Variants in DNAH14 observed in about 807,000 individuals in gnomAD.
DNAH14 encodes the protein axonemal beta dynein heavy chain 14.
DNAH14 carries 478 observed loss-of-function variants against 520.9 expected under a neutral mutation model. The ratio of observed to expected loss-of-function variants is 0.92; its 90% CI spans 0.85 to 0.99. The LOEUF is 0.99. Among genes scored for constraint, DNAH14 ranks in the 50% least tolerant of loss-of-function variants. The pLI, the probability that DNAH14 is intolerant of heterozygous loss-of-function variation, is 0.00. For missense variants in DNAH14, 4,831 were observed against 5,234.5 expected (o/e 0.92, Z 2.38); for synonymous variants, 1,581 against 1,757.2 (o/e 0.90, Z 2.51).
Position 225,277,408 on chromosome 1 carries a change from A to C in DNAH14, c.8179-2A>C. ...ATTTATTTGTCACATTTGATCTGCT[A>C]GCTTTCTCATTCCATGGTGTTCTTC... On this transcript the variant is annotated splice_acceptor_variant, in intron 53 of 85. Coordinates refer to ENST00000682510, the MANE Select transcript of DNAH14 (RefSeq NM_001367479.1). LOFTEE classifies it high-confidence loss of function. 2.1e-6 allele frequency: 1 copy of C among 468,432 alleles called. No individual in the cohort carries two copies. Among genetic ancestry groups the C allele is most frequent in the Admixed American group, 2.4e-5 (1 of 42,266 alleles). The allele number at this position is 468,432 out of a possible 1,614,324, so 29.0% of individuals were successfully genotyped here.
At chr1:225,324,876 G>T (rs1444038684) in intron 64 of DNAH14, 44 bp downstream of exon 64, 1 of 1,430,992 alleles carries the variant, frequency 7.0e-7, no homozygotes, top group Non-Finnish European at 9.6e-7. Context: ...AAAACACCAG[G>T]ACAATGTAAT....
At chr1:225,327,286 T>C (rs2094695486) in intron 64 of DNAH14, among the ~76,000 whole-genome samples, 1 of 151,690 alleles carries the variant, frequency 6.6e-6, no homozygotes, top group Non-Finnish European at 1.5e-5. Context: ...GCCTCCCGAG[T>C]AGCTGGGACT....
At position 225,097,013 on chromosome 1, in the gene DNAH14, A is replaced by G. The variant is rs2075039917; in HGVS notation, c.3574-105A>G. The G allele has an allele frequency of 3.2e-6, 3 of 924,886 alleles. No individual in the cohort carries two copies. In the South Asian group the frequency reaches 8.9e-5, roughly 27 times the overall value. 57.3% of individuals were successfully genotyped at this position (924,886 alleles called of 1,614,324 possible). On this transcript the variant is annotated intron_variant, in intron 21 of 85. Transcript: ENST00000682510. ...TGACTTTCTATTAATTATTTTCTGT[A>G]TGTCAATGACTGATAATCACCTTTG...
In DNAH14 at chr1:225,123,601, T is replaced by C. The variant is rs1271192040; in HGVS notation, c.4241T>C (p.Val1414Ala). 2.4e-6 allele frequency: 1 copy of C among 424,118 alleles called. No individual in the cohort carries two copies. The highest frequency in any genetic ancestry group is 5.0e-6 in the Non-Finnish European group (1 of 202,016). 26.3% of individuals were successfully genotyped at this position (424,118 alleles called of 1,614,324 possible). A position where few individuals can be genotyped will look rare whatever the true frequency, so the allele number is the denominator to read the frequency against. ...SQWVLSHPGQ[V>A]VLTVSQIMFY... ...TGGGTGTTATCTCATCCAGGACAAG[T>C]GGTACTTACTGTGGTAAGTTAATGC... The change falls in exon 27 of 86, where the codon GTG becomes GCG. Residue 1414 changes from valine (V) to alanine (A), a missense_variant. Physicochemically the swap from Val to Ala is moderately conservative, Grantham distance 64. Transcript: ENST00000682510.
intron 21 of DNAH14, among the ~76,000 whole-genome samples, chr1:225,092,122 G>A (rs892806431): frequency 1.3e-5 from 2 of 152,010 alleles, no homozygotes; most frequent in Non-Finnish European, 2.9e-5. Flanking sequence ...CACAATAATA[G>A]TGAGAGAATT....
At chr1:225,258,144 G>T in intron 45 of DNAH14, 26 bp downstream of exon 45, 1 of 1,446,672 alleles carries the variant, frequency 6.9e-7, no homozygotes, top group African/African-American at 1.5e-5. Flanking sequence ...AATAGAAGGA[G>T]AATTTCAGAG....
chr1:224,985,929 T>A (rs2062604255), intron 8 of DNAH14, among the ~76,000 whole-genome samples: 1 of 151,168 alleles, frequency 6.6e-6, no homozygotes, highest in African/African-American at 2.4e-5. Context: ...AAAGGGTGAA[T>A]CTAAGAGTTA....
At chr1:225,056,822 T>C (rs2069163715) in intron 17 of DNAH14, among the ~76,000 whole-genome samples, 1 of 152,198 alleles carries the variant, frequency 6.6e-6, no homozygotes, top group South Asian at 2.1e-4. Flanking sequence ...GTCAGGTTTG[T>C]CAAAGATCAG....
intron 17 of DNAH14, among the ~76,000 whole-genome samples, chr1:225,069,999 T>C (rs2071369432): frequency 6.6e-6 from 1 of 152,166 alleles, no homozygotes; most frequent in Non-Finnish European, 1.5e-5. Context: ...TCTGTAGAGG[T>C]ATTCATAATG....
At chr1:225,316,265 G>A (rs540939758) in intron 60 of DNAH14, among the ~76,000 whole-genome samples, 13 of 152,290 alleles carry the variant, frequency 8.5e-5, no homozygotes, top group Non-Finnish European at 1.8e-4. Flanking sequence ...AATTTCAAGC[G>A]AGTGGATCTT....
At position 225,318,597 on chromosome 1, in the gene DNAH14, A is replaced by G. The variant is rs574259435; in HGVS notation, c.9255A>G (p.Glu3085=). 8.0e-5 allele frequency: 124 copies of G among 1,547,330 alleles called. 1 individual carries two copies. The South Asian group carries it at 1.4e-3, about 17-fold the overall frequency. Residue 3085 remains glutamate, a synonymous_variant, in exon 61 of 86, where the codon GAA becomes GAG. Transcript: ENST00000682510. ...TTTTATTGCAGAAAACTGCCAATGA[A>G]CTAAAAAGTGTGCTGCCAGCCTTTG... ...VEDYAQKTAN[E]LKSVLPAFDK... is the part of the protein sequence containing the mutation.
intron 42 of DNAH14, among the ~76,000 whole-genome samples, chr1:225,233,201 C>A (rs952527460): frequency 6.6e-6 from 1 of 152,180 alleles, no homozygotes; most frequent in Non-Finnish European, 1.5e-5. Context: ...TCTATCCAGT[C>A]TATCATTGAT....
At chr1:225,188,042 A>T (rs1367369096) in intron 37 of DNAH14, among the ~76,000 whole-genome samples, 2 of 151,894 alleles carry the variant, frequency 1.3e-5, no homozygotes, top group African/African-American at 4.8e-5. Flanking sequence ...TTGGCCACAG[A>T]TGTTTGGGTT....
chr1:225,316,993 G>T (rs893729122), intron 60 of DNAH14, among the ~76,000 whole-genome samples: 12 of 152,038 alleles, frequency 7.9e-5, no homozygotes, highest in East Asian at 3.9e-4. Context: ...AGTTATTATT[G>T]ACAATGACAT....
intron 37 of DNAH14, among the ~76,000 whole-genome samples, chr1:225,186,481 A>G (rs1226922718): frequency 6.6e-6 from 1 of 151,904 alleles, no homozygotes; most frequent in Non-Finnish European, 1.5e-5. Context: ...AACTGTGAAG[A>G]CAGTAATTTG....
intron 8 of DNAH14, among the ~76,000 whole-genome samples, chr1:224,981,815 T>C (rs1329048109): frequency 6.6e-6 from 1 of 152,210 alleles, no homozygotes; most frequent in African/African-American, 2.4e-5. Flanking sequence ...TCTTGGTTTT[T>C]CCTTTCTTCT....
chr1:225,311,221 A>G (rs2094357911), intron 60 of DNAH14, among the ~76,000 whole-genome samples: 2 of 151,798 alleles, frequency 1.3e-5, no homozygotes, highest in African/African-American at 4.8e-5. Flanking sequence ...TTTTTTTCAT[A>G]TGTTTGTTGG....
intron 8 of DNAH14, among the ~76,000 whole-genome samples, chr1:224,992,147 T>G (rs1429747610): frequency 6.6e-6 from 1 of 152,170 alleles, no homozygotes; most frequent in African/African-American, 2.4e-5. Flanking sequence ...GCTATAGATT[T>G]AAGATTAGTT....
In DNAH14 at chr1:225,105,541, A is replaced by C. The variant is rs540052146; in HGVS notation, c.3867+4657A>C. On this transcript the variant is annotated intron_variant, in intron 23 of 85. Transcript: ENST00000682510. Reference sequence around the variant, plus strand: ...AGTCTAAGTCTCTTTCTAAGTCTCTAAGGACTTGCTTTATGAATCTGGGTG... The same window carrying C: ...AGTCTAAGTCTCTTTCTAAGTCTCTCAGGACTTGCTTTATGAATCTGGGTG... Among the ~76,000 whole-genome samples the C allele has an allele frequency of 3.3e-5, 5 of 152,210 alleles. No individual in the cohort carries two copies. The East Asian group carries it at 9.7e-4, about 30-fold the overall frequency.
Sources: allele counts gnomAD v4.1 joint callset (sites outside exome capture counted in the v4.1 genomes callset), GRCh38; gene constraint gnomAD v4.1.1; transcripts MANE v1.5; gene names NCBI Gene and HGNC (gene_info 2026-07-23, HGNC 2026-07-21).